Variants in PDS5B observed in about 807,000 individuals in gnomAD.
The protein encoded by PDS5B is PDS5 cohesin associated factor B, also known as sister chromatid cohesion protein PDS5 homolog B.
Under a neutral mutation model 184.1 loss-of-function variants are expected in PDS5B, and 51 were observed. The ratio of observed to expected loss-of-function variants is 0.28; its 90% CI spans 0.22 to 0.35. The LOEUF (loss-of-function observed/expected upper bound fraction) is 0.35. Ranked by LOEUF, PDS5B falls within the 10% of genes least tolerant of loss-of-function variation. The pLI, the probability that PDS5B is intolerant of heterozygous loss-of-function variation, is 1.00. For missense variants in PDS5B, 1,180 were observed against 1,723.3 expected (o/e 0.68, Z 5.58); for synonymous variants, 566 against 569.2 (o/e 0.99, Z 0.08).
intron 25 of PDS5B, among the ~76,000 whole-genome samples, chr13:32,753,993 C>G (rs1237875945): frequency 2.0e-5 from 3 of 152,142 alleles, no homozygotes; most frequent in African/African-American, 7.2e-5. Context: ...CATGATTTAA[C>G]AAACAGCATT....
chr13:32,665,594 A>AAAG (rs1950767722), intron 6 of PDS5B, among the ~76,000 whole-genome samples: 1 of 148,924 alleles, frequency 6.7e-6, no homozygotes, highest in Non-Finnish European at 1.5e-5. Flanking sequence ...GACTCAAAAA[A>AAAG]AAAAAAAAAA....
At chr13:32,678,107 A>G (rs1482303927) in intron 9 of PDS5B, among the ~76,000 whole-genome samples, 1 of 152,214 alleles carries the variant, frequency 6.6e-6, no homozygotes, top group Non-Finnish European at 1.5e-5. Flanking sequence ...AATTCACATC[A>G]GAATGATACA....
intron 1 of PDS5B, among the ~76,000 whole-genome samples, chr13:32,621,508 G>C (rs2058301148): frequency 6.6e-6 from 1 of 152,090 alleles, no homozygotes. Flanking sequence ...CTTTGTTTCT[G>C]TGTTCTGGAA....
chr13:32,616,938 T>C (rs1204451789), intron 1 of PDS5B, among the ~76,000 whole-genome samples: 1 of 152,236 alleles, frequency 6.6e-6, no homozygotes, highest in Non-Finnish European at 1.5e-5. Context: ...AAGTCAGGAA[T>C]AATGAACAGT....
At chr13:32,615,714 A>C (rs1289811986) in intron 1 of PDS5B, among the ~76,000 whole-genome samples, 1 of 152,200 alleles carries the variant, frequency 6.6e-6, no homozygotes, top group Non-Finnish European at 1.5e-5. Context: ...TATTTTCACC[A>C]TGTGAGCTCT....
chr13:32,733,351 C>T (rs983440758), intron 20 of PDS5B, among the ~76,000 whole-genome samples: 2 of 152,046 alleles, frequency 1.3e-5, no homozygotes, highest in South Asian at 2.1e-4. Context: ...TTTGAGGTTC[C>T]ACTAATCTAG....
chr13:32,595,988 CAT>C (rs1170069748), intron 1 of PDS5B, among the ~76,000 whole-genome samples: 4 of 152,074 alleles, frequency 2.6e-5, no homozygotes, highest in African/African-American at 4.8e-5. Context: ...ATATACTAAA[CAT>C]ATATGTGACA....
chr13:32,635,561 C>T (rs1020123390), intron 1 of PDS5B, among the ~76,000 whole-genome samples: 17 of 147,710 alleles, frequency 1.2e-4, no homozygotes, highest in Admixed American at 8.9e-4. Context: ...CCAGGATGGT[C>T]TTGATCTCTT....
At position 32,593,882 on chromosome 13, in the gene PDS5B, C is replaced by T. The variant is rs561482400; in HGVS notation, c.-20+7289C>T. 6.6e-5 allele frequency among the ~76,000 whole-genome samples: 10 copies of T among 151,774 alleles called. No homozygotes were observed. The East Asian group carries it at 1.7e-3, about 26-fold the overall frequency. ...TGGAAGAGGAGGCAGGAGAGGGAGG[C>T]GCACTGTAACTTTTACTGAAAAAAA... On this transcript the variant is annotated intron_variant, in intron 1 of 34. Coordinates refer to ENST00000315596, the MANE Select transcript of PDS5B (RefSeq NM_015032.4).
chr13:32,749,921 C>A (rs1302207101), intron 24 of PDS5B, among the ~76,000 whole-genome samples: 1 of 152,000 alleles, frequency 6.6e-6, no homozygotes, highest in Non-Finnish European at 1.5e-5. Context: ...TTTGAGGGTA[C>A]ATTTTTTTCA....
At chr13:32,603,741 G>C (rs1488552389) in intron 1 of PDS5B, among the ~76,000 whole-genome samples, 1 of 150,646 alleles carries the variant, frequency 6.6e-6, no homozygotes, top group African/African-American at 2.4e-5. Flanking sequence ...TGGAATGTTT[G>C]TGTCCTCTTT....
In PDS5B at chr13:32,775,721, C is replaced by T. The variant is rs1323284768; in HGVS notation, c.*669C>T. Reference sequence around the variant, plus strand: ...GAAGTTCTTGGATTACTTTACACCTCAGTATTGATTTGTCCCAGAATTTTC... The same window carrying T: ...GAAGTTCTTGGATTACTTTACACCTTAGTATTGATTTGTCCCAGAATTTTC... On this transcript the variant is annotated 3_prime_UTR_variant, in exon 35 of 35. Transcript: ENST00000315596. 2 of 449,950 alleles carry T rather than the reference C, an allele frequency of 4.4e-6. No individual in the cohort carries two copies. Among genetic ancestry groups the T allele is most frequent in the Non-Finnish European group, 8.9e-6 (2 of 224,576 alleles). The allele number at this position is 449,950 out of a possible 1,614,324, so 27.9% of individuals were successfully genotyped here. A position where few individuals can be genotyped will look rare whatever the true frequency, so the allele number is the denominator to read the frequency against.
At chr13:32,622,017 CT>C (rs1160869167) in intron 1 of PDS5B, among the ~76,000 whole-genome samples, 1 of 151,908 alleles carries the variant, frequency 6.6e-6, no homozygotes, top group Non-Finnish European at 1.5e-5. Context: ...ATGTTAATCT[CT>C]TTTTTTCTAT....
Position 32,706,981 on chromosome 13 carries a change from A to G in PDS5B, c.1904A>G (p.Asp635Gly). 6.2e-7 allele frequency: 1 copy of G among 1,612,546 alleles called. No homozygotes were observed. Among genetic ancestry groups the G allele is most frequent in the Non-Finnish European group, 8.5e-7 (1 of 1,179,254 alleles). ...VNKSIDGTAD[D>G]EDEGVPTDQA... is the part of the protein sequence containing the mutation. The stretch of plus-strand genomic sequence containing the variant: ...AAATCAATAGATGGAACAGCAGATG[A>G]TGAAGATGAGGGTGTTCCAACTGAT... Residue 635 changes from aspartate to glycine, a missense_variant, in exon 18 of 35, where the codon GAT (aspartate) becomes GGT (glycine). Around this residue, in one of 11 missense-constraint regions of PDS5B, gnomAD observed 475 missense variants for 691.5 expected, o/e 0.69. Transcript: ENST00000315596.
intron 1 of PDS5B, among the ~76,000 whole-genome samples, chr13:32,645,253 G>A (rs1950188877): frequency 1.3e-5 from 2 of 152,220 alleles, no homozygotes. Flanking sequence ...AAAGTGCTGG[G>A]ATCACAGACA....
rs1203736385 is a variant in PDS5B, at chr13:32,709,887, G to C, written c.1963-59G>C. 3 of 990,770 alleles carry C rather than the reference G, an allele frequency of 3.0e-6. No individual in the cohort carries two copies. In the African/African-American group the frequency reaches 5.0e-5, roughly 17 times the overall value. 61.4% of individuals were successfully genotyped at this position (990,770 alleles called of 1,614,324 possible). A position where few individuals can be genotyped will look rare whatever the true frequency, so the allele number is the denominator to read the frequency against. On this transcript the variant is annotated intron_variant, in intron 18 of 34. Coordinates refer to ENST00000315596, the MANE Select transcript of PDS5B (RefSeq NM_015032.4). Reference sequence around the variant, plus strand: ...TAGTATTTCTAATATGTAATATTTTGGATTTGTATTATAAAGATGAAAAAG... The same window carrying C: ...TAGTATTTCTAATATGTAATATTTTCGATTTGTATTATAAAGATGAAAAAG...
chr13:32,673,273 G>C lies in PDS5B; in HGVS notation c.763G>C (p.Val255Leu), dbSNP rs765096593. The change falls in exon 8 of 35, where the codon GTC becomes CTC. Residue 255 changes from valine (V) to leucine (L), a missense_variant. Physicochemically the swap from Val to Leu is conservative, Grantham distance 32 (BLOSUM62 1). Transcript: ENST00000315596. ...KTSISDLSEH[V>L]FDLILELYNI... Reference sequence around the variant, plus strand: ...ATCTATCAGCGATTTGTCAGAGCATGTCTTTGACTTAATTTTGGAGCTCTA... The same window carrying C: ...ATCTATCAGCGATTTGTCAGAGCATCTCTTTGACTTAATTTTGGAGCTCTA... 6.2e-7 allele frequency: 1 copy of C among 1,612,988 alleles called. No homozygotes were observed. The highest frequency in any genetic ancestry group is 8.5e-7 in the Non-Finnish European group (1 of 1,179,200).
At chr13:32,738,284 T>G (rs1322213611) in intron 21 of PDS5B, among the ~76,000 whole-genome samples, 1 of 152,182 alleles carries the variant, frequency 6.6e-6, no homozygotes, top group Non-Finnish European at 1.5e-5. Context: ...AACTTTTCAC[T>G]TTTTTTAAGT....
At chr13:32,747,001 A>C (rs141395299) in intron 24 of PDS5B, among the ~76,000 whole-genome samples, 4 of 152,350 alleles carry the variant, frequency 2.6e-5, no homozygotes, top group Admixed American at 2.6e-4. Flanking sequence ...ATACTTTTAT[A>C]AAGACATGAC....
Sources: gnomAD v4.1 joint callset for allele counts (sites outside exome capture counted in the v4.1 genomes callset) on GRCh38, gnomAD v4.1.1 for gene constraint, gnomAD v4.1.1 regional missense constraint, MANE v1.5 for transcripts, NCBI Gene and HGNC (gene_info 2026-07-23, HGNC 2026-07-21) for gene names.